CRACD: variants seen among roughly 807,000 people sequenced by gnomAD.
CRACD encodes the protein capping protein-inhibiting regulator of actin dynamics.
In CRACD, 56 loss-of-function variants were observed where a neutral mutation model predicts 106.8. The observed-to-expected ratio is 0.52, with a 90% CI of 0.42 to 0.66. The LOEUF (loss-of-function observed/expected upper bound fraction) is 0.66, where lower values mean the gene tolerates loss of function less well. Among genes scored for constraint, CRACD ranks in the 30% least tolerant of loss-of-function variants. CRACD has a pLI of 0.00. For synonymous variants in CRACD, 754 were observed against 670.8 expected (o/e 1.12, Z -1.92); for missense variants, 1,730 against 1,623.2 (o/e 1.07, Z -1.13).
At chr4:56,298,881 C>T (rs771655725) in intron 4 of CRACD, among the ~76,000 whole-genome samples, 1 of 151,982 alleles carries the variant, frequency 6.6e-6, no homozygotes, top group African/African-American at 2.4e-5. Flanking sequence ...TGCAGTGAGC[C>T]GAGATCATGC....
chr4:56,115,700 C>T lies in CRACD; in HGVS notation c.-335-63584C>T, dbSNP rs534604283. Among the ~76,000 whole-genome samples the T allele has an allele frequency of 1.6e-4, 24 of 152,200 alleles. 1 individual carries two copies. The highest frequency in any genetic ancestry group is 5.3e-4 in the African/African-American group (22 of 41,520). On this transcript the variant is annotated intron_variant, in intron 1 of 10. Coordinates refer to ENST00000682029, the MANE Select transcript of CRACD (RefSeq NM_001393381.1). The stretch of plus-strand genomic sequence containing the variant: ...CCCAGCCCATTGCTGTTATTTACTA[C>T]CCTAGTTAGTAATTTTAAGAAGAGT...
intron 1 of CRACD, among the ~76,000 whole-genome samples, chr4:56,147,131 G>T (rs1449198583): frequency 1.3e-5 from 2 of 152,120 alleles, no homozygotes; most frequent in African/African-American, 4.8e-5. Context: ...TGAGTAAGAG[G>T]ATTCTGCAGC....
At chr4:56,052,809 A>T (rs576942611) in intron 1 of CRACD, among the ~76,000 whole-genome samples, 1 of 152,048 alleles carries the variant, frequency 6.6e-6, no homozygotes, top group African/African-American at 2.4e-5. Flanking sequence ...CTTAACCCCC[A>T]TGGTTTTCTG....
chr4:56,075,179 A>G (rs1732798027), intron 1 of CRACD, among the ~76,000 whole-genome samples: 1 of 152,122 alleles, frequency 6.6e-6, no homozygotes, highest in Middle Eastern at 3.2e-3. Context: ...AGATTTTGGT[A>G]TCAGGATGAT....
intron 1 of CRACD, among the ~76,000 whole-genome samples, chr4:56,146,000 A>G (rs540326760): frequency 6.9e-4 from 105 of 152,188 alleles, no homozygotes; most frequent in African/African-American, 2.4e-3. Context: ...TAGTTTATTC[A>G]TCAGCAGCTT....
At chr4:56,254,085 A>T (rs534424008) in intron 2 of CRACD, among the ~76,000 whole-genome samples, 1 of 152,106 alleles carries the variant, frequency 6.6e-6, no homozygotes, top group African/African-American at 2.4e-5. Context: ...AGCAATTGTT[A>T]TCTCTTTTGT....
chr4:56,072,754 T>G (rs1308920415), intron 1 of CRACD, among the ~76,000 whole-genome samples: 2 of 152,058 alleles, frequency 1.3e-5, no homozygotes, highest in Non-Finnish European at 2.9e-5. Flanking sequence ...CTTCCTCCCC[T>G]TGTTTCCCCA....
intron 1 of CRACD, among the ~76,000 whole-genome samples, chr4:56,154,287 C>T (rs976202074): frequency 3.1e-4 from 38 of 121,226 alleles, no homozygotes; most frequent in Non-Finnish European, 4.4e-4. Flanking sequence ...GGTAACATGG[C>T]GAAACCCGTG....
At chr4:56,071,353 A>G (rs1732639929) in intron 1 of CRACD, among the ~76,000 whole-genome samples, 1 of 152,186 alleles carries the variant, frequency 6.6e-6, no homozygotes. Flanking sequence ...CTGTGGTGAA[A>G]GTAATGGATG....
intron 2 of CRACD, among the ~76,000 whole-genome samples, chr4:56,205,085 A>G (rs1311130253): frequency 1.3e-5 from 2 of 152,098 alleles, no homozygotes; most frequent in East Asian, 3.9e-4. Context: ...AAGCCTGGGA[A>G]TTTGAAGCTG....
intron 1 of CRACD, among the ~76,000 whole-genome samples, chr4:56,131,672 TTAGAG>T (rs1386449030): frequency 7.2e-5 from 11 of 152,234 alleles, no homozygotes; most frequent in African/African-American, 2.4e-4. Flanking sequence ...ATGCTTTCTT[TTAGAG>T]TATTTAATTT....
At chr4:56,325,006 G>A (rs551426465) in intron 10 of CRACD, among the ~76,000 whole-genome samples, 79 of 152,122 alleles carry the variant, frequency 5.2e-4, no homozygotes, top group Admixed American at 9.2e-4. Flanking sequence ...CAAGTATGGT[G>A]TATATATATA....
At chr4:56,088,562 G>C (rs1227161058) in intron 1 of CRACD, among the ~76,000 whole-genome samples, 1 of 152,050 alleles carries the variant, frequency 6.6e-6, no homozygotes, top group Non-Finnish European at 1.5e-5. Flanking sequence ...TCAGGCAGTA[G>C]GAAGAATAAT....
At chr4:56,234,604 A>G (rs1440600054) in intron 2 of CRACD, among the ~76,000 whole-genome samples, 1 of 152,170 alleles carries the variant, frequency 6.6e-6, no homozygotes, top group Non-Finnish European at 1.5e-5. Context: ...ATTTTTGTAA[A>G]AAGAGAAAAT....
intron 2 of CRACD, among the ~76,000 whole-genome samples, chr4:56,202,319 C>T (rs1419174228): frequency 6.6e-6 from 1 of 152,126 alleles, no homozygotes; most frequent in Non-Finnish European, 1.5e-5. Flanking sequence ...GATCTTGGCT[C>T]ACTGGCAACC....
intron 2 of CRACD, among the ~76,000 whole-genome samples, chr4:56,201,506 T>G (rs1446607274): frequency 1.3e-5 from 2 of 152,070 alleles, no homozygotes; most frequent in African/African-American, 4.8e-5. Flanking sequence ...GTAGCATTGA[T>G]GGGAGGACTG....
intron 3 of CRACD, among the ~76,000 whole-genome samples, chr4:56,289,057 A>T (rs1340343919): frequency 6.6e-6 from 1 of 152,236 alleles, no homozygotes; most frequent in Non-Finnish European, 1.5e-5. Context: ...TAAAGGAAGT[A>T]CCTGAAATAG....
chr4:56,061,491 A>G (rs1309546115), intron 1 of CRACD, among the ~76,000 whole-genome samples: 1 of 151,940 alleles, frequency 6.6e-6, no homozygotes, highest in African/African-American at 2.4e-5. Flanking sequence ...CTCATGTATT[A>G]GGTGAAAGAG....
At chr4:56,130,613 T>A (rs576840269) in intron 1 of CRACD, among the ~76,000 whole-genome samples, 2 of 152,306 alleles carry the variant, frequency 1.3e-5, no homozygotes, top group South Asian at 2.1e-4. Context: ...TCCAGCTAAG[T>A]TGAAATTTTA....
Sources: allele counts gnomAD v4.1 joint callset (sites outside exome capture counted in the v4.1 genomes callset), GRCh38; gene constraint gnomAD v4.1.1; transcripts MANE v1.5; gene names NCBI Gene and HGNC (gene_info 2026-07-23, HGNC 2026-07-21).